The following RBFOX1 variants were observed in gnomAD, a reference collection of about 807,000 sequenced individuals.
RBFOX1 encodes RNA binding fox-1 homolog 1.
In RBFOX1, 8 loss-of-function variants were observed where a neutral mutation model predicts 57.7. That is an observed-to-expected ratio of 0.14 (90% CI 0.08 to 0.25). The LOEUF is 0.25. RBFOX1 is among the 10% of genes least tolerant of loss of function. The pLI, the probability that RBFOX1 is intolerant of heterozygous loss-of-function variation, is 1.00. For missense variants in RBFOX1, 611 were observed against 548.5 expected (o/e 1.11, Z -1.14); for synonymous variants, 326 against 222.4 (o/e 1.47, Z -4.15).
At chr16:5,815,156 A>ATTTTTTTTTTTTTTT (rs71142650) in intron 3 of RBFOX1, among the ~76,000 whole-genome samples, 1 of 114,222 alleles carries the variant, frequency 8.8e-6, no homozygotes, top group East Asian at 2.5e-4. Context: ...ATTTAATTTA[A>ATTTTTTTTTTTTTTT]TTTTTTTTTT....
intron 3 of RBFOX1, among the ~76,000 whole-genome samples, chr16:5,612,311 A>G (rs1212580382): frequency 6.8e-6 from 1 of 147,712 alleles, no homozygotes; most frequent in East Asian, 2.1e-4. Flanking sequence ...CCACTTTCCC[A>G]TCTACTCATC....
chr16:7,412,643 A>G (rs1439581343), intron 4 of RBFOX1, among the ~76,000 whole-genome samples: 5 of 152,176 alleles, frequency 3.3e-5, no homozygotes, highest in Non-Finnish European at 2.9e-5. Context: ...TCTATCTTAG[A>G]TTTCTCCCAT....
intron 2 of RBFOX1, among the ~76,000 whole-genome samples, chr16:6,539,262 C>T (rs566291206): frequency 1.3e-5 from 2 of 152,242 alleles, no homozygotes; most frequent in African/African-American, 4.8e-5. Context: ...TGTGTATAAG[C>T]ATGGGCAGGT....
chr16:6,829,937 A>T lies in RBFOX1; in HGVS notation c.-16+175287A>T, dbSNP rs537460431. Among the ~76,000 whole-genome samples, 4 of 150,396 alleles carry T rather than the reference A, an allele frequency of 2.7e-5. No homozygotes were observed. The East Asian group carries it at 7.8e-4, about 29-fold the overall frequency. On this transcript the variant is annotated intron_variant, in intron 3 of 15. Transcript: ENST00000550418. ...ATTTTATTTTTTTTATTTTTTTGAG[A>T]TGGAGTTTTGCTCTTGTTGCCCAGG... is the stretch of plus-strand genomic sequence containing the variant.
At chr16:5,280,443 G>C (rs962535817) in intron 1 of RBFOX1, among the ~76,000 whole-genome samples, 10 of 149,520 alleles carry the variant, frequency 6.7e-5, no homozygotes, top group African/African-American at 2.5e-4. Context: ...GGTAGTGCTG[G>C]CCTTATACAA....
intron 4 of RBFOX1, among the ~76,000 whole-genome samples, chr16:5,893,076 C>T (rs1483983956): frequency 6.6e-6 from 1 of 152,226 alleles, no homozygotes; most frequent in Non-Finnish European, 1.5e-5. Flanking sequence ...TTCAAAATCT[C>T]ATGCGTCAGT....
At chr16:5,484,768 C>T (rs1310943480) in intron 2 of RBFOX1, among the ~76,000 whole-genome samples, 2 of 151,740 alleles carry the variant, frequency 1.3e-5, no homozygotes, top group African/African-American at 4.8e-5. Flanking sequence ...AAAAATTAGC[C>T]AGGCGTGGTG....
chr16:5,363,585 G>A (rs1251739170), intron 1 of RBFOX1, among the ~76,000 whole-genome samples: 1 of 152,098 alleles, frequency 6.6e-6, no homozygotes, highest in Non-Finnish European at 1.5e-5. Flanking sequence ...CATCCCCAGG[G>A]CTCAGTTGAC....
intron 3 of RBFOX1, among the ~76,000 whole-genome samples, chr16:5,725,092 C>A (rs2052091253): frequency 6.6e-6 from 1 of 152,202 alleles, no homozygotes; most frequent in Non-Finnish European, 1.5e-5. Context: ...AGAGATCCAT[C>A]TTTGTCCCCA....
chr16:6,621,056 C>T (rs542195145), intron 2 of RBFOX1, among the ~76,000 whole-genome samples: 1 of 152,330 alleles, frequency 6.6e-6, no homozygotes, highest in Non-Finnish European at 1.5e-5. Flanking sequence ...CAGGGGACTG[C>T]CAGCAATCCT....
intron 1 of RBFOX1, among the ~76,000 whole-genome samples, chr16:6,127,493 T>C (rs1191700326): frequency 6.6e-6 from 1 of 152,172 alleles, no homozygotes; most frequent in Non-Finnish European, 1.5e-5. Context: ...CTGTGGGCCT[T>C]AGAAACACGT....
intron 3 of RBFOX1, among the ~76,000 whole-genome samples, chr16:5,734,396 C>A (rs1299736146): frequency 6.6e-6 from 1 of 152,044 alleles, no homozygotes; most frequent in Non-Finnish European, 1.5e-5. Context: ...CCACTGTACT[C>A]CAGCCTGGGC....
intron 4 of RBFOX1, among the ~76,000 whole-genome samples, chr16:7,136,883 G>T (rs1249841150): frequency 4.6e-5 from 7 of 152,194 alleles, no homozygotes; most frequent in African/African-American, 1.7e-4. Flanking sequence ...AAAATCTACT[G>T]CATGCCTGGG....
intron 3 of RBFOX1, among the ~76,000 whole-genome samples, chr16:6,949,189 A>G (rs1270644798): frequency 1.3e-5 from 2 of 152,184 alleles, no homozygotes; most frequent in African/African-American, 4.8e-5. Flanking sequence ...GTCTAGAATA[A>G]AAGCTACAAA....
At chr16:6,309,451 T>C (rs952931026) in intron 1 of RBFOX1, among the ~76,000 whole-genome samples, 3 of 152,116 alleles carry the variant, frequency 2.0e-5, no homozygotes, top group East Asian at 3.9e-4. Flanking sequence ...CCCCTTGGGT[T>C]TTCATTTACA....
chr16:6,599,569 A>G (rs1255839922), intron 2 of RBFOX1, among the ~76,000 whole-genome samples: 1 of 152,172 alleles, frequency 6.6e-6, no homozygotes. Flanking sequence ...AACTCCTACC[A>G]TTTCTTACTT....
chr16:7,498,014 C>A (rs2069272210), intron 4 of RBFOX1, among the ~76,000 whole-genome samples: 1 of 152,172 alleles, frequency 6.6e-6, no homozygotes, highest in Admixed American at 6.5e-5. Context: ...CAAATAGGTG[C>A]TTTAGACAGA....
chr16:7,602,909 A>G (rs1033344489), intron 9 of RBFOX1, among the ~76,000 whole-genome samples: 4 of 152,230 alleles, frequency 2.6e-5, no homozygotes, highest in African/African-American at 9.6e-5. Context: ...TAATAGAATA[A>G]AACTAGAAAT....
chr16:7,582,612 G>A (rs1056562391), intron 6 of RBFOX1, among the ~76,000 whole-genome samples: 1 of 152,136 alleles, frequency 6.6e-6, no homozygotes, highest in African/African-American at 2.4e-5. Flanking sequence ...TGGAGCTTAG[G>A]GAATTTAGGA....
Sources: gnomAD v4.1 joint callset for allele counts (sites outside exome capture counted in the v4.1 genomes callset) on GRCh38, gnomAD v4.1.1 for gene constraint, MANE v1.5 for transcripts, NCBI Gene and HGNC (gene_info 2026-07-23, HGNC 2026-07-21) for gene names.